The following PPDPFL variants were observed in gnomAD, a reference collection of about 807,000 sequenced individuals.
PPDPFL encodes pancreatic progenitor cell differentiation and proliferation factor-like protein.
A neutral mutation model predicts 12.6 loss-of-function variants in PPDPFL; 12 were observed. That is an observed-to-expected ratio of 0.95 (90% CI 0.61 to 1.54). The LOEUF (loss-of-function observed/expected upper bound fraction) is 1.54. PPDPFL is among the 40% of genes most tolerant of loss of function. The pLI is 0.00. For missense variants in PPDPFL, 114 were observed against 96.0 expected (o/e 1.19, Z -0.78); for synonymous variants, 24 against 32.7 (o/e 0.73, Z 0.91).
upstream of PPDPFL, among the ~76,000 whole-genome samples, chr8:49,069,479 A>G (rs1808346148): frequency 6.6e-6 from 1 of 152,238 alleles, no homozygotes; most frequent in South Asian, 2.1e-4. Flanking sequence ...GATAGCACTT[A>G]GAAAATAATA....
At chr8:49,071,911 C>G (rs561783789), upstream of PPDPFL, among the ~76,000 whole-genome samples, 3 of 152,182 alleles carry the variant, frequency 2.0e-5, no homozygotes, top group Non-Finnish European at 4.4e-5. Context: ...TCTTGCTCCG[C>G]TTTGACCGTG....
intron 1 of PPDPFL, among the ~76,000 whole-genome samples, chr8:49,055,954 C>G (rs1223110987): frequency 6.6e-6 from 1 of 152,122 alleles, no homozygotes; most frequent in African/African-American, 2.4e-5. Context: ...TGTTATCGCT[C>G]TCATGGAGAA....
chr8:49,060,678 A>T (rs1808186800), intron 1 of PPDPFL, among the ~76,000 whole-genome samples: 1 of 152,138 alleles, frequency 6.6e-6, no homozygotes. Flanking sequence ...ATCAGCGGAA[A>T]AAAATGACTG....
At chr8:49,074,464 G>T (rs548874243) in intron 4 of PPDPFL, 131 bp downstream of exon 4, 2 of 1,542,824 alleles carry the variant, frequency 1.3e-6, no homozygotes, top group Non-Finnish European at 8.7e-7. Context: ...CCTATGAAGC[G>T]CACCTGAGGG....
At chr8:49,066,742 T>A (rs1193299829) in intron 1 of PPDPFL, among the ~76,000 whole-genome samples, 1 of 152,190 alleles carries the variant, frequency 6.6e-6, no homozygotes, top group African/African-American at 2.4e-5. Flanking sequence ...GGAGGCAGAT[T>A]TGGGGTGCCC....
rs948314114 is a variant in PPDPFL, at chr8:49,075,518, T to C, written c.*345T>C. 3.7e-6 allele frequency: 2 copies of C among 543,300 alleles called. No homozygotes were observed. Among genetic ancestry groups the C allele is most frequent in the Non-Finnish European group, 3.3e-6 (1 of 305,138 alleles). 33.7% of individuals were successfully genotyped at this position (543,300 alleles called of 1,614,324 possible). ...GAAACAAGACACCCTTTTAAAGTAA[T>C]ATGTCTTCAAATGTTGTGACTTACA... On this transcript the variant is annotated 3_prime_UTR_variant, in exon 5 of 5. Coordinates refer to ENST00000522267, the MANE Select transcript of PPDPFL (RefSeq NM_001256597.2).
At chr8:49,061,146 T>G (rs970822017) in intron 1 of PPDPFL, among the ~76,000 whole-genome samples, 1 of 152,116 alleles carries the variant, frequency 6.6e-6, no homozygotes, top group Admixed American at 6.5e-5. Flanking sequence ...GGCTATACCG[T>G]GTCCCTCAAA....
chr8:49,070,870 A>ATG (rs771335376), upstream of PPDPFL, among the ~76,000 whole-genome samples: 1,512 of 151,994 alleles, frequency 9.9e-3, 21 homozygotes, highest in African/African-American at 0.033. Context: ...GTATGTGTGC[A>ATG]TGAGTGTGTG....
upstream of PPDPFL, among the ~76,000 whole-genome samples, chr8:49,069,332 G>A (rs186250105): frequency 6.6e-6 from 1 of 152,268 alleles, no homozygotes; most frequent in East Asian, 1.9e-4. Flanking sequence ...GTAACATAAT[G>A]GCAGTATACA....
intron 1 of PPDPFL, among the ~76,000 whole-genome samples, chr8:49,061,718 T>A (rs1219607203): frequency 6.6e-6 from 1 of 152,140 alleles, no homozygotes; most frequent in Non-Finnish European, 1.5e-5. Context: ...GATGGCTCCT[T>A]GGCAGCAGGT....
rs375176734 is a variant in PPDPFL, at chr8:49,059,559, C to G, written c.-45+5190C>G. ...GGCAAATATTTTAGCAATATTTTCT[C>G]TAGATGGCAAGCAAAACTATTGTTA... On this transcript the variant is annotated intron_variant, in intron 1 of 4. Coordinates refer to the PPDPFL transcript ENST00000517663. Among the ~76,000 whole-genome samples the G allele has an allele frequency of 2.5e-3, 383 of 152,248 alleles. 4 individuals are homozygous for G. Among genetic ancestry groups the G allele is most frequent in the African/African-American group, 8.8e-3 (366 of 41,538 alleles).
intron 1 of PPDPFL, among the ~76,000 whole-genome samples, chr8:49,065,201 C>T (rs2667293): frequency 6.6e-6 from 1 of 152,094 alleles, no homozygotes; most frequent in African/African-American, 2.4e-5. Context: ...GGAGAACATA[C>T]TGAGGAAAGG....
At chr8:49,062,721 C>A (rs1338305463) in intron 1 of PPDPFL, among the ~76,000 whole-genome samples, 1 of 152,176 alleles carries the variant, frequency 6.6e-6, no homozygotes, top group Non-Finnish European at 1.5e-5. Context: ...GGATGCCCTG[C>A]ACACAGGGAG....
At chr8:49,074,383 A>T (rs765608876) in intron 4 of PPDPFL, 50 bp downstream of exon 4, 2 of 1,593,546 alleles carry the variant, frequency 1.3e-6, no homozygotes, top group Admixed American at 3.4e-5. Context: ...AGTGAATGAA[A>T]TAATGCATAT....
intron 1 of PPDPFL, among the ~76,000 whole-genome samples, chr8:49,061,361 T>TG (rs1009717370): frequency 6.6e-6 from 1 of 152,096 alleles, no homozygotes; most frequent in African/African-American, 2.4e-5. Context: ...AAACCAACCC[T>TG]GTGGACACAT....
At chr8:49,054,711 C>T (rs1051862378) in intron 1 of PPDPFL, among the ~76,000 whole-genome samples, 9 of 136,586 alleles carry the variant, frequency 6.6e-5, no homozygotes, top group Non-Finnish European at 1.3e-4. Flanking sequence ...TCTTCTTGAT[C>T]ACAGTGGGAG....
In PPDPFL at chr8:49,064,973, T is replaced by A. The variant is rs562561901; in HGVS notation, c.-44-7814T>A. On this transcript the variant is annotated intron_variant, in intron 1 of 4. Coordinates refer to the PPDPFL transcript ENST00000517663. Reference sequence around the variant, plus strand: ...CAATAAAGGGTGTTCATGTTCCCAATCTGTTTCATAGGCTTCCAAATTATC... The same window carrying A: ...CAATAAAGGGTGTTCATGTTCCCAAACTGTTTCATAGGCTTCCAAATTATC... 2.3e-4 allele frequency among the ~76,000 whole-genome samples: 35 copies of A among 152,320 alleles called. 2 individuals carry two copies. The highest frequency in any genetic ancestry group is 8.2e-4 in the African/African-American group (34 of 41,570).
At chr8:49,055,213 A>G (rs1243501823) in intron 1 of PPDPFL, among the ~76,000 whole-genome samples, 1 of 137,938 alleles carries the variant, frequency 7.2e-6, no homozygotes, top group African/African-American at 2.6e-5. Context: ...CCTAATTGCT[A>G]CAGTCTTATT....
In PPDPFL at chr8:49,073,950, G is replaced by A. The variant is rs1808440144; in HGVS notation, c.56-109G>A. The A allele has an allele frequency of 1.3e-5, 9 of 716,664 alleles. No individual in the cohort carries two copies. In the South Asian group the frequency reaches 1.6e-4, roughly 13 times the overall value. The allele number at this position is 716,664 out of a possible 1,614,324, so 44.4% of individuals were successfully genotyped here. A position where few individuals can be genotyped will look rare whatever the true frequency, so the allele number is the denominator to read the frequency against. On this transcript the variant is annotated intron_variant, in intron 2 of 4. Coordinates refer to ENST00000522267, the MANE Select transcript of PPDPFL (RefSeq NM_001256597.2). ...TTCAATTCATGAATTCACAAGCCAG[G>A]AATAAATGATTTCAAACCATGCTAC... is the stretch of plus-strand genomic sequence containing the variant.
Sources: allele counts gnomAD v4.1 joint callset (sites outside exome capture counted in the v4.1 genomes callset), GRCh38; gene constraint gnomAD v4.1.1; transcripts MANE v1.5; gene names NCBI Gene and HGNC (gene_info 2026-07-23, HGNC 2026-07-21).